Variants in DGKB observed in about 807,000 individuals in gnomAD.
DGKB encodes the protein diacylglycerol kinase beta, also known as 90 kDa diacylglycerol kinase.
Under a neutral mutation model 114.3 loss-of-function variants are expected in DGKB, and 67 were observed. The ratio of observed to expected loss-of-function variants is 0.59; its 90% CI spans 0.48 to 0.72. DGKB has a LOEUF of 0.72. Ranked by LOEUF, DGKB falls within the 30% of genes least tolerant of loss-of-function variation. The probability of loss-of-function intolerance (pLI) is 0.00; values close to 1 mark genes in which losing one functional copy is unlikely to be tolerated. For synonymous variants in DGKB, 398 were observed against 323.1 expected (o/e 1.23, Z -2.49); for missense variants, 907 against 975.2 (o/e 0.93, Z 0.93).
chr7:14,857,136 TA>T (rs1398704655), intron 1 of DGKB, among the ~76,000 whole-genome samples: 3 of 151,956 alleles, frequency 2.0e-5, no homozygotes, highest in Admixed American at 6.6e-5. Context: ...CTCCATCTAG[TA>T]GATGAATTTT....
intron 23 of DGKB, among the ~76,000 whole-genome samples, chr7:14,286,371 T>G (rs561611947): frequency 2.0e-5 from 3 of 152,154 alleles, no homozygotes; most frequent in Non-Finnish European, 4.4e-5. Context: ...ATCAATTTTT[T>G]GGCATCTAAA....
intron 2 of DGKB, among the ~76,000 whole-genome samples, chr7:14,824,945 A>G (rs1375496462): frequency 6.7e-6 from 1 of 148,424 alleles, no homozygotes; most frequent in Non-Finnish European, 1.5e-5. Context: ...AAACTAACAA[A>G]CTAATATGTA....
intron 23 of DGKB, among the ~76,000 whole-genome samples, chr7:14,298,202 C>G (rs1802912317): frequency 6.6e-6 from 1 of 152,144 alleles, no homozygotes; most frequent in African/African-American, 2.4e-5. Flanking sequence ...TTAGAAAAAA[C>G]TACTTCAAAT....
chr7:14,928,856 T>C (rs36861), intron 1 of DGKB, among the ~76,000 whole-genome samples: 87,003 of 151,666 alleles, frequency 0.57, 27,803 homozygotes, highest in East Asian at 0.88. Context: ...GTCTCCATTG[T>C]CTATTATTCC....
intron 21 of DGKB, among the ~76,000 whole-genome samples, chr7:14,434,698 A>T (rs1187182208): frequency 1.3e-5 from 2 of 152,142 alleles, no homozygotes; most frequent in African/African-American, 4.8e-5. Flanking sequence ...ACTAAATTTT[A>T]ATTGATTTAT....
intron 6 of DGKB, among the ~76,000 whole-genome samples, chr7:14,715,451 G>A (rs1358700225): frequency 6.6e-6 from 1 of 152,070 alleles, no homozygotes; most frequent in Non-Finnish European, 1.5e-5. Context: ...CCATGTCCTT[G>A]TTCATTCACA....
At chr7:14,605,754 T>C (rs1403539943) in intron 17 of DGKB, among the ~76,000 whole-genome samples, 2 of 152,096 alleles carry the variant, frequency 1.3e-5, no homozygotes, top group Non-Finnish European at 2.9e-5. Flanking sequence ...TACATAGTGC[T>C]ACAAAACAGT....
At chr7:14,717,304 G>C (rs1224018382) in intron 6 of DGKB, among the ~76,000 whole-genome samples, 1 of 152,070 alleles carries the variant, frequency 6.6e-6, no homozygotes, top group African/African-American at 2.4e-5. Flanking sequence ...AAAAATGTTT[G>C]TCTTTATATG....
chr7:14,713,164 AT>A (rs1162097783), intron 6 of DGKB, among the ~76,000 whole-genome samples: 9 of 152,218 alleles, frequency 5.9e-5, no homozygotes, highest in African/African-American at 2.2e-4. Context: ...ATGCAAGATA[AT>A]TTTTTATATC....
At chr7:14,806,503 T>G in intron 2 of DGKB, among the ~76,000 whole-genome samples, 1 of 149,910 alleles carries the variant, frequency 6.7e-6, no homozygotes, top group Non-Finnish European at 1.5e-5. Flanking sequence ...AAATGGGCAA[T>G]TAATAATTAT....
intron 13 of DGKB, among the ~76,000 whole-genome samples, chr7:14,668,409 G>C (rs1026295481): frequency 6.6e-6 from 1 of 152,090 alleles, no homozygotes; most frequent in Non-Finnish European, 1.5e-5. Context: ...GGGATTTGGA[G>C]AAAATCTCAG....
chr7:14,965,561 A>C (rs995716378), intron 1 of DGKB, among the ~76,000 whole-genome samples: 1 of 152,030 alleles, frequency 6.6e-6, no homozygotes, highest in African/African-American at 2.4e-5. Flanking sequence ...CTTTTTTCTT[A>C]TGGATTGGTA....
At chr7:14,610,230 A>C (rs977120199) in intron 16 of DGKB, among the ~76,000 whole-genome samples, 1 of 152,140 alleles carries the variant, frequency 6.6e-6, no homozygotes, top group Non-Finnish European at 1.5e-5. Context: ...AGCAATATGG[A>C]TGGAGATGGA....
intron 23 of DGKB, among the ~76,000 whole-genome samples, chr7:14,261,594 C>A (rs1350294021): frequency 1.3e-5 from 2 of 152,018 alleles, no homozygotes; most frequent in South Asian, 4.2e-4. Flanking sequence ...TATTTGGATT[C>A]AATTAATCCA....
intron 20 of DGKB, among the ~76,000 whole-genome samples, chr7:14,492,632 G>A (rs1350984998): frequency 1.3e-5 from 2 of 151,982 alleles, no homozygotes; most frequent in Non-Finnish European, 1.5e-5. Flanking sequence ...ATGAACCCCC[G>A]CCATGATGGG....
rs117380838 is a variant in DGKB, at chr7:14,780,954, T to C, written c.71-23223A>G. ...GCTTCCCAATGGTTTCTTTTCCTTG[T>C]TGTCATGTGTTTGTTCAGATTCATT... On this transcript the variant is annotated intron_variant, in intron 2 of 25. Coordinates refer to ENST00000402815, the MANE Select transcript of DGKB (RefSeq NM_001350709.2). Among the ~76,000 whole-genome samples the C allele has an allele frequency of 3.9e-4, 60 of 152,312 alleles. 2 individuals carry two copies. In the East Asian group the frequency reaches 0.011, roughly 28 times the overall value.
chr7:14,182,302 T>G (rs899751929), intron 23 of DGKB, among the ~76,000 whole-genome samples: 4 of 151,940 alleles, frequency 2.6e-5, no homozygotes, highest in Non-Finnish European at 4.4e-5. Context: ...ATTATTGAAC[T>G]TCTAGATTTT....
At chr7:14,514,262 T>C (rs1031048258) in intron 20 of DGKB, among the ~76,000 whole-genome samples, 1 of 152,078 alleles carries the variant, frequency 6.6e-6, no homozygotes, top group Non-Finnish European at 1.5e-5. Flanking sequence ...CCAAAATACA[T>C]AAAAAGTTGA....
At chr7:14,915,291 T>C (rs1210671067) in intron 1 of DGKB, among the ~76,000 whole-genome samples, 1 of 152,112 alleles carries the variant, frequency 6.6e-6, no homozygotes, top group Non-Finnish European at 1.5e-5. Context: ...AATGGGAGAA[T>C]CACTTGAGCC....
Sources: allele counts gnomAD v4.1 joint callset (sites outside exome capture counted in the v4.1 genomes callset), GRCh38; gene constraint gnomAD v4.1.1; transcripts MANE v1.5; gene names NCBI Gene and HGNC (gene_info 2026-07-23, HGNC 2026-07-21).